Variants in KCNH5 observed in about 807,000 individuals in gnomAD.
KCNH5 encodes potassium voltage-gated channel subfamily H member 5, also known as voltage-gated delayed rectifier potassium channel KCNH5.
In KCNH5, 46 loss-of-function variants were observed where a neutral mutation model predicts 96.1. The observed-to-expected ratio is 0.48, with a 90% CI of 0.38 to 0.61. The LOEUF is 0.61. KCNH5 is among the 20% of genes least tolerant of loss of function. The pLI is 0.00. For synonymous variants in KCNH5, 439 were observed against 449.8 expected (o/e 0.98, Z 0.30); for missense variants, 907 against 1,225.8 (o/e 0.74, Z 3.88).
chr14:62,910,390 A>T (rs1889126333), intron 7 of KCNH5, among the ~76,000 whole-genome samples: 1 of 152,152 alleles, frequency 6.6e-6, no homozygotes, highest in Admixed American at 6.5e-5. Flanking sequence ...CAAGACAAGG[A>T]AAAAAATATT....
intron 6 of KCNH5, among the ~76,000 whole-genome samples, chr14:62,970,320 A>G (rs1297555750): frequency 6.6e-6 from 1 of 152,168 alleles, no homozygotes; most frequent in Admixed American, 6.5e-5. Flanking sequence ...AACTACATCT[A>G]TTAAAGAAAT....
intron 6 of KCNH5, among the ~76,000 whole-genome samples, chr14:62,977,244 C>G (rs1313467520): frequency 6.6e-6 from 1 of 151,850 alleles, no homozygotes; most frequent in Non-Finnish European, 1.5e-5. Flanking sequence ...GTGCGCGCCT[C>G]TAGTCCCAGC....
intron 10 of KCNH5, among the ~76,000 whole-genome samples, chr14:62,714,688 A>G (rs1451558979): frequency 6.6e-6 from 1 of 152,248 alleles, no homozygotes; most frequent in Admixed American, 6.5e-5. Flanking sequence ...TGAGTTCATA[A>G]GAGTTCAACT....
chr14:62,947,330 C>G (rs1009288645), intron 7 of KCNH5, among the ~76,000 whole-genome samples: 2 of 152,082 alleles, frequency 1.3e-5, no homozygotes, highest in African/African-American at 2.4e-5. Flanking sequence ...TACATCTTAC[C>G]ACTTTGTATA....
In KCNH5 at chr14:62,950,549, C is replaced by G; in HGVS notation, c.953G>C (p.Ser318Thr). 6.6e-7 allele frequency: 1 copy of G among 1,519,360 alleles called. No homozygotes were observed. The highest frequency in any genetic ancestry group is 1.3e-5 in the South Asian group (1 of 79,100). The allele number at this position is 1,519,360 out of a possible 1,614,324, so 94.1% of individuals were successfully genotyped here. A position where few individuals can be genotyped will look rare whatever the true frequency, so the allele number is the denominator to read the frequency against. ...CACCACTTTTAAAGAACTGAAGAGA[C>G]TGCTGATTCCCTGGATTTAAAAAAA... is the stretch of plus-strand genomic sequence containing the variant. ...AFENVDEGIS[S>T]LFSSLKVVRL... Residue 318 changes from serine to threonine, a missense_variant, in exon 7 of 11, where the codon AGT (serine) becomes ACT (threonine). Transcript: ENST00000322893.
At chr14:62,825,304 T>A (rs1359430827) in intron 8 of KCNH5, among the ~76,000 whole-genome samples, 2 of 152,150 alleles carry the variant, frequency 1.3e-5, no homozygotes, top group Admixed American at 6.6e-5. Context: ...CTGTTGTTTT[T>A]GACTTTTTAA....
intron 8 of KCNH5, among the ~76,000 whole-genome samples, chr14:62,812,086 T>G (rs1027092251): frequency 6.6e-6 from 1 of 152,180 alleles, no homozygotes; most frequent in African/African-American, 2.4e-5. Flanking sequence ...CCCCAAACTC[T>G]TGAGTTCCAG....
intron 9 of KCNH5, among the ~76,000 whole-genome samples, chr14:62,781,511 A>C (rs551252439): frequency 6.6e-6 from 1 of 152,274 alleles, no homozygotes; most frequent in Non-Finnish European, 1.5e-5. Context: ...TCACCTCTGC[A>C]GTCTCGACCG....
At chr14:62,995,424 A>T (rs956384783) in intron 4 of KCNH5, among the ~76,000 whole-genome samples, 19 of 152,144 alleles carry the variant, frequency 1.2e-4, no homozygotes, top group African/African-American at 4.3e-4. Flanking sequence ...ACCCTTGTAA[A>T]CATCCTCAAC....
At chr14:62,712,370 C>A (rs987069084) in intron 10 of KCNH5, 16 of 406,174 alleles carry the variant, frequency 3.9e-5, no homozygotes, top group Middle Eastern at 6.6e-4. Flanking sequence ...CGTATTTTCT[C>A]ATTTAAGTGT....
At chr14:62,788,343 T>G (rs1342337452) in intron 9 of KCNH5, among the ~76,000 whole-genome samples, 1 of 152,152 alleles carries the variant, frequency 6.6e-6, no homozygotes, top group Non-Finnish European at 1.5e-5. Context: ...GCAATCGCAC[T>G]ATAAAACCAA....
intron 7 of KCNH5, among the ~76,000 whole-genome samples, chr14:62,920,655 G>T (rs1889363080): frequency 6.6e-6 from 1 of 151,934 alleles, no homozygotes; most frequent in Admixed American, 6.6e-5. Flanking sequence ...ACTGATTTAG[G>T]GTATGTTTGT....
chr14:62,900,277 A>T (rs1437529310), intron 7 of KCNH5, among the ~76,000 whole-genome samples: 1 of 152,238 alleles, frequency 6.6e-6, no homozygotes, highest in Non-Finnish European at 1.5e-5. Flanking sequence ...AACGGATACT[A>T]TAAGAATTAC....
intron 7 of KCNH5, among the ~76,000 whole-genome samples, chr14:62,886,458 C>A (rs1278956575): frequency 2.6e-5 from 4 of 152,192 alleles, no homozygotes; most frequent in Admixed American, 6.5e-5. Flanking sequence ...TGAACTAACA[C>A]TCTGGCATGA....
intron 7 of KCNH5, among the ~76,000 whole-genome samples, chr14:62,886,945 C>G (rs17100494): frequency 0.065 from 9,868 of 152,074 alleles, 1,079 homozygotes; most frequent in African/African-American, 0.23. Flanking sequence ...AGTCATACTT[C>G]CCAGGAGTGT....
rs541698285 is a variant in KCNH5, at chr14:62,816,759, A to G, written c.1570-14178T>C. 3.3e-5 allele frequency among the ~76,000 whole-genome samples: 5 copies of G among 152,130 alleles called. No individual in the cohort carries two copies. The South Asian group carries it at 1.0e-3, about 32-fold the overall frequency. On this transcript the variant is annotated intron_variant, in intron 8 of 10. Transcript: ENST00000322893. ...GACATATAGTAGATATAGCAAATAC[A>G]TATTTGACATGTAGCTGATAGGATG...
At chr14:62,925,372 G>A (rs1228482698) in intron 7 of KCNH5, among the ~76,000 whole-genome samples, 2 of 151,950 alleles carry the variant, frequency 1.3e-5, no homozygotes, top group African/African-American at 4.8e-5. Flanking sequence ...TTTCTTTTGT[G>A]TAACTGTAGC....
At chr14:62,772,556 G>A (rs1464093097) in intron 10 of KCNH5, among the ~76,000 whole-genome samples, 1 of 146,450 alleles carries the variant, frequency 6.8e-6, no homozygotes, top group Non-Finnish European at 1.5e-5. Flanking sequence ...AGAATTGCTT[G>A]AACCTGGGAG....
At chr14:62,862,263 A>C (rs9888566) in intron 7 of KCNH5, among the ~76,000 whole-genome samples, 22,176 of 152,226 alleles carry the variant, frequency 0.15, 1,893 homozygotes, top group East Asian at 0.28. Context: ...GATCCGAGAT[A>C]CAAAGACTGA....
Sources: allele counts gnomAD v4.1 joint callset (sites outside exome capture counted in the v4.1 genomes callset), GRCh38; gene constraint gnomAD v4.1.1; transcripts MANE v1.5; gene names NCBI Gene and HGNC (gene_info 2026-07-23, HGNC 2026-07-21).